ACADVL: variants seen among roughly 807,000 people sequenced by gnomAD.
ACADVL encodes the protein acyl-CoA dehydrogenase very long chain.
A neutral mutation model predicts 80.4 loss-of-function variants in ACADVL; 73 were observed. That is an observed-to-expected ratio of 0.91 (90% CI 0.75 to 1.10). The LOEUF (loss-of-function observed/expected upper bound fraction) is 1.10, where lower values mean the gene tolerates loss of function less well. Among genes scored for constraint, ACADVL ranks in the 50% least tolerant of loss-of-function variants. The pLI, the probability that ACADVL is intolerant of heterozygous loss-of-function variation, is 0.00. For synonymous variants in ACADVL, 392 were observed against 326.5 expected (o/e 1.20, Z -2.16); for missense variants, 878 against 858.9 (o/e 1.02, Z -0.28).
rs2071242381 is a variant in ACADVL at position 7,221,798 on chromosome 17, G to A, written c.622+116G>A. On this transcript the variant is annotated intron_variant, in intron 7 of 19. Transcript: ENST00000356839. Reference sequence around the variant, plus strand: ...AGCATTTCAGTTGGGGGAAGGTTTTGGGGAGGCATCACAGTGTGCTGGTTG... The same window carrying A: ...AGCATTTCAGTTGGGGGAAGGTTTTAGGGAGGCATCACAGTGTGCTGGTTG... 4 of 1,591,772 alleles carry A rather than the reference G, an allele frequency of 2.5e-6. No individual in the cohort carries two copies. In the Admixed American group the frequency reaches 5.0e-5, roughly 20 times the overall value.
chr17:7,224,475 T>C lies in ACADVL; in HGVS notation c.1606-5T>C. ...CTGAGCCCCGCACTGTCCCCATCTC[T>C]TAAGGCAGTACGGGCTCTGGAGCAG... On this transcript the variant is annotated splice_polypyrimidine_tract_variant and splice_region_variant and intron_variant, in intron 16 of 19. Coordinates refer to ENST00000356839, the MANE Select transcript of ACADVL (RefSeq NM_000018.4). 6.2e-7 allele frequency: 1 copy of C among 1,613,896 alleles called. No homozygotes were observed. Among genetic ancestry groups the C allele is most frequent in the Non-Finnish European group, 8.5e-7 (1 of 1,180,000 alleles).
rs2071334103 is a variant in ACADVL, at chr17:7,223,581, G to A, written c.1183-63G>A. On this transcript the variant is annotated intron_variant, in intron 11 of 19. Transcript: ENST00000356839. ...CCCTTATCTTGGAGATCTGGGTGAT[G>A]AGGCCAAGTCTGACAAAGCCCTTTG... 1.1e-5 allele frequency: 18 copies of A among 1,572,526 alleles called. No individual in the cohort carries two copies. The South Asian group carries it at 1.7e-4, about 15-fold the overall frequency.
chr17:7,218,980 C>A, upstream of ACADVL: 1 of 944,226 alleles, frequency 1.1e-6, no homozygotes, highest in South Asian at 1.4e-5. Flanking sequence ...CCCCCAGGTC[C>A]CAAGGCACCA....
intron 2 of ACADVL, 25 bp downstream of exon 2, chr17:7,220,222 G>T (rs1410884485): frequency 4.6e-6 from 7 of 1,526,348 alleles, no homozygotes; most frequent in Non-Finnish European, 6.1e-6. Context: ...CCTTGGCAAG[G>T]GGGTGTGGGA....
At chr17:7,217,212 C>A, upstream of ACADVL, 1 of 1,263,110 alleles carries the variant, frequency 7.9e-7, no homozygotes. Flanking sequence ...CGTTCCTCCC[C>A]TCCGTGGGTT....
upstream of ACADVL, chr17:7,217,289 G>C: frequency 1.8e-6 from 2 of 1,104,106 alleles, no homozygotes; most frequent in Non-Finnish European, 2.3e-6. Context: ...GGGTGAGAGG[G>C]GAAGGAGGGG....
chr17:7,218,235 C>T, upstream of ACADVL: 1 of 1,608,306 alleles, frequency 6.2e-7, no homozygotes, highest in Non-Finnish European at 8.5e-7. Context: ...GCCCCCACCT[C>T]CTTACCTGAC....
In ACADVL at chr17:7,224,067, A is replaced by G; in HGVS notation, c.1432A>G (p.Met478Val). 6.2e-7 allele frequency: 1 copy of G among 1,613,942 alleles called. No homozygotes were observed. Among genetic ancestry groups the G allele is most frequent in the Non-Finnish European group, 8.5e-7 (1 of 1,179,880 alleles). ...GCTGTTTGTGGCTCTGCAGGGCTGT[A>G]TGGTAAGACAGAGAATTGGGTGGGG... ...LRLFVALQGC[M>V]DKGKELSGLG... The change falls in exon 14 of 20, where the codon ATG becomes GTG. Residue 478 changes from methionine to valine, a missense_variant and splice_region_variant. Coordinates refer to ENST00000356839, the MANE Select transcript of ACADVL (RefSeq NM_000018.4).
rs1220348903 is a variant in ACADVL at position 7,221,638 on chromosome 17, G to A, written c.578G>A (p.Gly193Asp). Residue 193 changes from glycine to aspartate, a missense_variant, in exon 7 of 20, where the codon GGC becomes GAC. By Grantham distance (94) the Gly-to-Asp change is moderately conservative. Coordinates refer to ENST00000356839, the MANE Select transcript of ACADVL (RefSeq NM_000018.4). ...GGTTTCAAAGGCATCCTGCTCTTTG[G>A]CACAAAGGCCCAGAAAGAAAAATAC... ...SIGFKGILLF[G>D]TKAQKEKYLP... 1.9e-6 allele frequency: 3 copies of A among 1,614,034 alleles called. No homozygotes were observed. The highest frequency in any genetic ancestry group is 2.5e-6 in the Non-Finnish European group (3 of 1,180,044).
Position 7,223,229 on chromosome 17 carries a change from G to C in ACADVL, c.1174G>C (p.Val392Leu), listed in dbSNP as rs746806439. The C allele has an allele frequency of 1.2e-6, 2 of 1,613,238 alleles. No individual in the cohort carries two copies. Among genetic ancestry groups the C allele is most frequent in the Non-Finnish European group, 1.7e-6 (2 of 1,179,356 alleles). Residue 392 changes from valine (V) to leucine (L), a missense_variant, in exon 11 of 20, where the codon GTA (valine) becomes CTA (leucine). Physicochemically the swap from Val to Leu is conservative, Grantham distance 32 (BLOSUM62 1). Transcript: ENST00000356839. ...KLARMVMLQY[V>L]TESMAYMVSA... Reference sequence around the variant, plus strand: ...GGCACGGATGGTTATGCTGCAGTATGTAACTGAGGTGAGGGCCTCCCAAGC... The same window carrying C: ...GGCACGGATGGTTATGCTGCAGTATCTAACTGAGGTGAGGGCCTCCCAAGC...
chr17:7,222,974 C>T, intron 10 of ACADVL, 109 bp downstream of exon 10: 1 of 1,477,300 alleles, frequency 6.8e-7, no homozygotes, highest in Non-Finnish European at 9.3e-7. Context: ...AAACTCCTCC[C>T]CTACCAGCAG....
upstream of ACADVL, among the ~76,000 whole-genome samples, chr17:7,218,021 A>G (rs968249309): frequency 1.3e-5 from 2 of 151,812 alleles, no homozygotes; most frequent in East Asian, 3.9e-4. Flanking sequence ...TAGACTCTTT[A>G]GTGCCTGAAA....
Position 7,220,777 on chromosome 17 carries a change from G to A in ACADVL, c.289G>A (p.Glu97Lys), listed in dbSNP as rs2071168428. The change falls in exon 5 of 20, where the codon GAG becomes AAG. Residue 97 changes from glutamate (E) to lysine (K), a missense_variant. Transcript: ENST00000356839. ...VFPYPSVLNE[E>K]QTQFLKELVE... ...CCCACCCTCTGCAGTGCTCAACGAA[G>A]AGCAGACACAGTTTCTTAAAGAGCT... 1 of 1,614,038 alleles carries A rather than the reference G, an allele frequency of 6.2e-7. No individual in the cohort carries two copies. The highest frequency in any genetic ancestry group is 8.5e-7 in the Non-Finnish European group (1 of 1,180,054).
At chr17:7,223,373 T>C (rs886351864) in intron 11 of ACADVL, 136 bp downstream of exon 11, 12 of 908,384 alleles carry the variant, frequency 1.3e-5, no homozygotes, top group Non-Finnish European at 2.0e-5. Context: ...CGGGGAGGCA[T>C]AGTCAGCTCA....
Position 7,222,246 on chromosome 17 carries a change from C to A in ACADVL, c.822C>A (p.Ala274=). Residue 274 remains alanine, a synonymous_variant, in exon 9 of 20, where the codon GCC becomes GCA. Coordinates refer to ENST00000356839, the MANE Select transcript of ACADVL (RefSeq NM_000018.4). The part of the protein sequence containing the change: ...KTPVTDPATG[A]VKEKITAFVV... ...CAGTTACAGATCCAGCCACAGGAGC[C>A]GTGAAGGAGAAGATCACAGCTTTTG... 2.5e-6 allele frequency: 4 copies of A among 1,614,058 alleles called. No individual in the cohort carries two copies. Among genetic ancestry groups the A allele is most frequent in the Non-Finnish European group, 2.5e-6 (3 of 1,180,008 alleles).
In ACADVL at chr17:7,225,123, G is replaced by C. The variant is rs2071417564; in HGVS notation, c.*26G>C. The stretch of plus-strand genomic sequence containing the variant: ...ATACTCCCGGCCAGGGCCTGTCCCA[G>C]TTATGTGCCTTCCCTCAAGCCAAAG... On this transcript the variant is annotated 3_prime_UTR_variant, in exon 20 of 20. Transcript: ENST00000356839. 1 of 1,613,714 alleles carries C rather than the reference G, an allele frequency of 6.2e-7. No individual in the cohort carries two copies. The highest frequency in any genetic ancestry group is 1.3e-5 in the African/African-American group (1 of 74,940).
chr17:7,223,039 C>T (rs1177148728), intron 10 of ACADVL, 94 bp from the exon 11 acceptor site: 2 of 1,474,828 alleles, frequency 1.4e-6, no homozygotes, highest in South Asian at 1.1e-5. Context: ...TGGTTGTATG[C>T]AAAACCCATC....
At position 7,222,086 on chromosome 17, in the gene ACADVL, C is replaced by T. The variant is rs768041919; in HGVS notation, c.752+5C>T. The T allele has an allele frequency of 3.1e-6, 5 of 1,614,034 alleles. No individual in the cohort carries two copies. The highest frequency in any genetic ancestry group is 1.3e-5 in the African/African-American group (1 of 74,918). On this transcript the variant is annotated splice_donor_5th_base_variant and intron_variant, in intron 8 of 19. Transcript: ENST00000356839. Reference sequence around the variant, plus strand: ...TGGAAGCAAGCTTTGGATCAGGCAACCTGCCTCCCATTTCTCCCCTTCTCC... The same window carrying T: ...TGGAAGCAAGCTTTGGATCAGGCAATCTGCCTCCCATTTCTCCCCTTCTCC...
rs761810249 is a variant in ACADVL at position 7,225,222 on chromosome 17, A to G, written c.*125A>G. ...GTTCCCAGCACTGTGCCTGCTCTCA[A>G]GAGCACTTACTGCCTCGCAAATAAT... On this transcript the variant is annotated 3_prime_UTR_variant, in exon 20 of 20. Transcript: ENST00000356839. 3.2e-4 allele frequency: 431 copies of G among 1,342,588 alleles called. 3 individuals are homozygous for G. In the Middle Eastern group the frequency reaches 7.7e-3, roughly 24 times the overall value. The allele number at this position is 1,342,588 out of a possible 1,614,324, so 83.2% of individuals were successfully genotyped here. A position where few individuals can be genotyped will look rare whatever the true frequency, so the allele number is the denominator to read the frequency against.
Sources: gnomAD v4.1 joint callset for allele counts (sites outside exome capture counted in the v4.1 genomes callset) on GRCh38, gnomAD v4.1.1 for gene constraint, MANE v1.5 for transcripts, NCBI Gene and HGNC (gene_info 2026-07-23, HGNC 2026-07-21) for gene names.